Variants in TTLL5 observed in about 807,000 individuals in gnomAD.
TTLL5 encodes the protein tubulin polyglutamylase TTLL5.
TTLL5 carries 132 observed loss-of-function variants against 168.4 expected under a neutral mutation model. The observed-to-expected ratio is 0.78, with a 90% CI of 0.68 to 0.91. The LOEUF (loss-of-function observed/expected upper bound fraction) is 0.91. Among genes scored for constraint, TTLL5 ranks in the 40% least tolerant of loss-of-function variants. TTLL5 has a pLI of 0.00. For synonymous variants in TTLL5, 546 were observed against 558.6 expected (o/e 0.98, Z 0.32); for missense variants, 1,545 against 1,581.5 (o/e 0.98, Z 0.39).
Position 75,758,068 on chromosome 14 carries a change from G to T in TTLL5, c.1550+5113G>T, listed in dbSNP as rs111812559. Among the ~76,000 whole-genome samples the T allele has an allele frequency of 1.5e-3, 228 of 152,254 alleles. 1 individual carries two copies. Among genetic ancestry groups the T allele is most frequent in the African/African-American group, 5.1e-3 (212 of 41,538 alleles). On this transcript the variant is annotated intron_variant, in intron 18 of 31. Transcript: ENST00000298832. ...TGAGATTTACTTCACTATAACTACA[G>T]GTATACTATTCTAACTGAAGATGGT...
chr14:75,952,957 T>G (rs2035008028), intron 31 of TTLL5, among the ~76,000 whole-genome samples: 1 of 152,198 alleles, frequency 6.6e-6, no homozygotes, highest in South Asian at 2.1e-4. Flanking sequence ...TGCACAACTC[T>G]GAATATAATA....
intron 30 of TTLL5, among the ~76,000 whole-genome samples, chr14:75,884,627 G>C (rs2032001254): frequency 6.6e-6 from 1 of 152,182 alleles, no homozygotes; most frequent in Admixed American, 6.5e-5. Flanking sequence ...GTATCAAAAG[G>C]CATGCTGTGA....
chr14:75,729,195 C>T (rs930961228), intron 12 of TTLL5, among the ~76,000 whole-genome samples: 9 of 152,142 alleles, frequency 5.9e-5, no homozygotes, highest in African/African-American at 2.2e-4. Context: ...CCTTTGAAAA[C>T]ACTTGCTCTT....
chr14:75,791,408 G>C (rs1892718284), intron 26 of TTLL5, among the ~76,000 whole-genome samples: 1 of 152,160 alleles, frequency 6.6e-6, no homozygotes, highest in Non-Finnish European at 1.5e-5. Context: ...ATTAATCTTG[G>C]AAGAGTAGAG....
chr14:75,674,659 G>A (rs1884001547), intron 3 of TTLL5, among the ~76,000 whole-genome samples: 2 of 151,986 alleles, frequency 1.3e-5, no homozygotes, highest in African/African-American at 4.8e-5. Flanking sequence ...GACAACATAG[G>A]TATTTTCAGC....
At chr14:75,830,781 A>G (rs1460161516) in intron 28 of TTLL5, among the ~76,000 whole-genome samples, 1 of 152,176 alleles carries the variant, frequency 6.6e-6, no homozygotes, top group Non-Finnish European at 1.5e-5. Context: ...GTAGGAACTT[A>G]TTGATGTACA....
chr14:75,942,255 T>C (rs544906275), intron 31 of TTLL5, among the ~76,000 whole-genome samples: 42 of 152,184 alleles, frequency 2.8e-4, no homozygotes, highest in Admixed American at 1.4e-3. Flanking sequence ...GGCCTGGAAG[T>C]ACAGATTGCC....
intron 31 of TTLL5, chr14:75,906,535 T>C: frequency 1.0e-6 from 1 of 985,882 alleles, no homozygotes; most frequent in Non-Finnish European, 1.2e-6. Flanking sequence ...TAAGTAGAGA[T>C]ACTTTTTTCC....
At position 75,707,590 on chromosome 14, in the gene TTLL5, T is replaced by G. The variant is rs781135363; in HGVS notation, c.656-33T>G. The G allele has an allele frequency of 2.5e-6, 4 of 1,595,524 alleles. No homozygotes were observed. The Admixed American group carries it at 6.9e-5, about 28-fold the overall frequency. On this transcript the variant is annotated intron_variant, in intron 8 of 31. Coordinates refer to ENST00000298832, the MANE Select transcript of TTLL5 (RefSeq NM_015072.5). ...GTAACAGGAAACAAATGAACTTAGT[T>G]TTTTTTTGTGAATACAAACTTTTTT...
chr14:75,901,507 G>A (rs2032920592), intron 30 of TTLL5, among the ~76,000 whole-genome samples: 1 of 152,182 alleles, frequency 6.6e-6, no homozygotes, highest in Non-Finnish European at 1.5e-5. Flanking sequence ...ACATTTCTCA[G>A]TCTTGCGATT....
At chr14:75,690,625 T>G (rs1885383435) in intron 6 of TTLL5, among the ~76,000 whole-genome samples, 1 of 91,630 alleles carries the variant, frequency 1.1e-5, no homozygotes, top group African/African-American at 2.7e-5. Flanking sequence ...ATGTAAGTAT[T>G]ATTTTTTTTT....
intron 18 of TTLL5, among the ~76,000 whole-genome samples, chr14:75,753,596 G>A (rs2140275797): frequency 6.6e-6 from 1 of 152,272 alleles, no homozygotes; most frequent in South Asian, 2.1e-4. Context: ...GTACGTTTTT[G>A]AAGGATTCTT....
intron 29 of TTLL5, among the ~76,000 whole-genome samples, chr14:75,875,235 T>C (rs1407488069): frequency 6.7e-6 from 1 of 149,128 alleles, no homozygotes; most frequent in Admixed American, 6.6e-5. Context: ...GCGCGGCCTA[T>C]ATTTTTTAAC....
chr14:75,761,978 A>G (rs771646868), intron 18 of TTLL5, among the ~76,000 whole-genome samples: 1 of 152,214 alleles, frequency 6.6e-6, no homozygotes, highest in African/African-American at 2.4e-5. Context: ...TGAAGGATAT[A>G]TGATTGGATA....
chr14:75,688,268 T>C (rs1343929236), intron 5 of TTLL5, among the ~76,000 whole-genome samples: 1 of 152,116 alleles, frequency 6.6e-6, no homozygotes, highest in Non-Finnish European at 1.5e-5. Context: ...TAGTCACCAG[T>C]GTCCAATCAA....
intron 23 of TTLL5, 128 bp from the exon 24 acceptor site, chr14:75,779,447 T>C (rs2140324501): frequency 7.6e-7 from 1 of 1,314,030 alleles, no homozygotes; most frequent in Non-Finnish European, 1.1e-6. Context: ...CACCTATTAA[T>C]AGGGAATTTT....
At chr14:75,694,347 C>CT (rs201365092) in intron 6 of TTLL5, among the ~76,000 whole-genome samples, 2,007 of 151,624 alleles carry the variant, frequency 0.013, 18 homozygotes, top group South Asian at 0.036. Context: ...GCATTAACTT[C>CT]TTTTTTTTTG....
At chr14:75,736,892 T>C (rs775432272) in intron 15 of TTLL5, among the ~76,000 whole-genome samples, 2 of 152,192 alleles carry the variant, frequency 1.3e-5, no homozygotes, top group Non-Finnish European at 2.9e-5. Context: ...CTTTAATTTT[T>C]AGTAAGAAAA....
intron 27 of TTLL5, among the ~76,000 whole-genome samples, chr14:75,813,761 G>GT (rs1566615542): frequency 6.8e-6 from 1 of 148,066 alleles, no homozygotes; most frequent in Non-Finnish European, 1.5e-5. Context: ...ATATACTTGT[G>GT]TTTTTCACTT....
Sources: allele counts gnomAD v4.1 joint callset (sites outside exome capture counted in the v4.1 genomes callset), GRCh38; gene constraint gnomAD v4.1.1; transcripts MANE v1.5; gene names NCBI Gene and HGNC (gene_info 2026-07-23, HGNC 2026-07-21).